Variants in NPIPA5 observed in about 807,000 individuals in gnomAD.
NPIPA5 encodes nuclear pore complex interacting protein family member A5, also known as nuclear pore complex-interacting protein family member A5.
Under a neutral mutation model 21.4 loss-of-function variants are expected in NPIPA5, and 6 were observed. That is an observed-to-expected ratio of 0.28 (90% CI 0.15 to 0.55). NPIPA5 has a LOEUF of 0.55. NPIPA5 is among the 20% of genes least tolerant of loss of function. The pLI is 0.93. For missense variants in NPIPA5, 99 were observed against 318.2 expected (o/e 0.31, Z 5.24); for synonymous variants, 33 against 115.3 (o/e 0.29, Z 4.57).
chr16:15,375,987 G>C (rs534544468), intron 1 of NPIPA5, among the ~76,000 whole-genome samples: 1 of 150,750 alleles, frequency 6.6e-6, no homozygotes, highest in African/African-American at 2.4e-5. Context: ...ATTAAACAGA[G>C]ATAGCCCTTC....
intron 1 of NPIPA5, among the ~76,000 whole-genome samples, chr16:15,377,551 A>T (rs930044148): frequency 1.5e-5 from 2 of 134,878 alleles, no homozygotes; most frequent in African/African-American, 2.7e-5. Flanking sequence ...TCCCTGAGGC[A>T]GCCAGGACAG....
At chr16:15,366,522 T>A in intron 5 of NPIPA5, 131 bp downstream of exon 5, 1 of 564,740 alleles carries the variant, frequency 1.8e-6, no homozygotes. Flanking sequence ...ACTCTCTCTC[T>A]CTCTCACGAT....
chr16:15,372,510 AG>A (rs1187848429), intron 2 of NPIPA5, among the ~76,000 whole-genome samples: 1,579 of 146,150 alleles, frequency 0.011, 89 homozygotes, highest in African/African-American at 0.036. Context: ...AAAAAAAAAA[AG>A]CTTCCTCCAA....
intron 1 of NPIPA5, among the ~76,000 whole-genome samples, chr16:15,377,511 C>T (rs766477651): frequency 6.3e-5 from 9 of 143,140 alleles, no homozygotes; most frequent in Admixed American, 2.3e-4. Flanking sequence ...GAGCAGCCAC[C>T]GCACCCGCAT....
intron 2 of NPIPA5, among the ~76,000 whole-genome samples, chr16:15,370,605 G>A (rs535656738): frequency 3.5e-4 from 50 of 143,938 alleles, no homozygotes; most frequent in African/African-American, 1.2e-3. Context: ...TACAAAATTA[G>A]CCAGGCATGG....
chr16:15,375,797 T>C (rs1007834608), intron 1 of NPIPA5, among the ~76,000 whole-genome samples: 29 of 150,032 alleles, frequency 1.9e-4, no homozygotes, highest in African/African-American at 3.4e-4. Flanking sequence ...GCATGAATAG[T>C]GTGGGATTTC....
At chr16:15,381,100 T>A (rs113735279), upstream of NPIPA5, 115,263 of 1,534,174 alleles carry the variant, frequency 0.075, 5,520 homozygotes, top group Admixed American at 0.21. Flanking sequence ...TAGACAATTT[T>A]AAAAAAAAAA....
chr16:15,379,257 C>G (rs1422132469), upstream of NPIPA5, among the ~76,000 whole-genome samples: 1 of 152,200 alleles, frequency 6.6e-6, no homozygotes, highest in African/African-American at 2.4e-5. Flanking sequence ...AAAAACAACC[C>G]TAAGAAGCAA....
chr16:15,366,905 G>A (rs2049990575), intron 4 of NPIPA5, 145 bp from the exon 5 acceptor site: 1 of 1,507,952 alleles, frequency 6.6e-7, no homozygotes, highest in African/African-American at 1.4e-5. Flanking sequence ...ACCGAAGGGA[G>A]AATGGACACC....
upstream of NPIPA5, among the ~76,000 whole-genome samples, chr16:15,380,106 C>A (rs1284797276): frequency 6.6e-6 from 1 of 151,298 alleles, no homozygotes; most frequent in East Asian, 1.9e-4. Context: ...TTAATTATTA[C>A]TACTGGACTT....
chr16:15,369,039 A>G (rs976556530), intron 4 of NPIPA5, among the ~76,000 whole-genome samples: 4 of 146,908 alleles, frequency 2.7e-5, no homozygotes, highest in African/African-American at 1.0e-4. Flanking sequence ...CCTGTAATCC[A>G]AGCTACTCGG....
intron 4 of NPIPA5, among the ~76,000 whole-genome samples, chr16:15,366,996 A>C (rs1030996398): frequency 6.6e-6 from 1 of 152,020 alleles, no homozygotes; most frequent in Non-Finnish European, 1.5e-5. Flanking sequence ...TCATAGTTCC[A>C]TAGTTAGTCC....
At chr16:15,371,140 T>C (rs1189826313) in intron 2 of NPIPA5, among the ~76,000 whole-genome samples, 23 of 145,112 alleles carry the variant, frequency 1.6e-4, no homozygotes, top group Non-Finnish European at 2.6e-4. Flanking sequence ...GTAAGTATTT[T>C]ACCACAGGTT....
chr16:15,368,339 C>A (rs560769890), intron 4 of NPIPA5, among the ~76,000 whole-genome samples: 2 of 151,920 alleles, frequency 1.3e-5, no homozygotes, highest in East Asian at 3.9e-4. Flanking sequence ...GCACAGACGA[C>A]CTCAATTGCA....
At chr16:15,377,559 C>G (rs1386130432) in intron 1 of NPIPA5, among the ~76,000 whole-genome samples, 1 of 141,102 alleles carries the variant, frequency 7.1e-6, no homozygotes. Context: ...GCAGCCAGGA[C>G]AGAGGTGGAG....
chr16:15,375,586 C>T, intron 1 of NPIPA5, among the ~76,000 whole-genome samples: 1 of 148,344 alleles, frequency 6.7e-6, no homozygotes, highest in East Asian at 2.0e-4. Context: ...ACTAAAAATA[C>T]AAAAAATTAG....
At chr16:15,377,837 G>A (rs1185138828) in intron 1 of NPIPA5, among the ~76,000 whole-genome samples, 1 of 150,738 alleles carries the variant, frequency 6.6e-6, no homozygotes, top group Non-Finnish European at 1.5e-5. Context: ...GGACAGGCGG[G>A]GCAAGGGAGC....
chr16:15,365,886 G>A (rs1471326171), intron 5 of NPIPA5, among the ~76,000 whole-genome samples: 2 of 35,470 alleles, frequency 5.6e-5, no homozygotes, highest in African/African-American at 1.5e-4. Context: ...TGGCTAATAC[G>A]GTGAAACCCC....
intron 2 of NPIPA5, among the ~76,000 whole-genome samples, chr16:15,373,453 C>T (rs1297769007): frequency 6.8e-6 from 1 of 148,082 alleles, no homozygotes; most frequent in Non-Finnish European, 1.5e-5. Flanking sequence ...CCTCATACTC[C>T]ATTTGTGACA....
Sources: gnomAD v4.1 joint callset for allele counts (sites outside exome capture counted in the v4.1 genomes callset) on GRCh38, gnomAD v4.1.1 for gene constraint, MANE v1.5 for transcripts, NCBI Gene and HGNC (gene_info 2026-07-23, HGNC 2026-07-21) for gene names.